Variants in PDE4D observed in about 807,000 individuals in gnomAD.
The protein encoded by PDE4D is 3',5'-cyclic-AMP phosphodiesterase 4D.
PDE4D carries 24 observed loss-of-function variants against 87.4 expected under a neutral mutation model. The observed-to-expected ratio is 0.27, with a 90% CI of 0.20 to 0.39. PDE4D has a LOEUF of 0.39. Ranked by LOEUF, PDE4D falls within the 10% of genes least tolerant of loss-of-function variation. The pLI, the probability that PDE4D is intolerant of heterozygous loss-of-function variation, is 1.00. For missense variants in PDE4D, 714 were observed against 1,041.0 expected, an observed-to-expected ratio of 0.69 and a Z score of 4.32; for synonymous variants, 384 against 383.2, an observed-to-expected ratio of 1.00 and a Z score of -0.02.
At chr5:60,048,250 T>G (rs1424235606) in intron 2 of PDE4D, among the ~76,000 whole-genome samples, 1 of 152,182 alleles carries the variant, frequency 6.6e-6, no homozygotes, top group Non-Finnish European at 1.5e-5. Flanking sequence ...ATTTTGAGCC[T>G]ATGTGTGTCT....
intron 2 of PDE4D, among the ~76,000 whole-genome samples, chr5:60,172,335 G>T (rs1338743410): frequency 2.0e-5 from 3 of 150,674 alleles, no homozygotes; most frequent in Admixed American, 6.6e-5. Context: ...TCAGACTTCT[G>T]TGGGCAATAC....
At chr5:59,669,291 T>A (rs1473436305) in intron 1 of PDE4D, among the ~76,000 whole-genome samples, 1 of 152,080 alleles carries the variant, frequency 6.6e-6, no homozygotes, top group Non-Finnish European at 1.5e-5. Context: ...TTTTGTATTT[T>A]TGGTAGATAC....
At chr5:59,564,678 G>A (rs1442282209) in intron 1 of PDE4D, among the ~76,000 whole-genome samples, 1 of 152,116 alleles carries the variant, frequency 6.6e-6, no homozygotes, top group Non-Finnish European at 1.5e-5. Flanking sequence ...ACACCTGTAA[G>A]GTTCCAAGTA....
chr5:60,519,864 A>C (rs915084241), intron 1 of PDE4D, among the ~76,000 whole-genome samples: 4 of 152,238 alleles, frequency 2.6e-5, no homozygotes. Flanking sequence ...ATCCTTTGTT[A>C]AGAGCTTTCA....
At chr5:60,449,776 G>A (rs1415663321) in intron 1 of PDE4D, among the ~76,000 whole-genome samples, 3 of 151,180 alleles carry the variant, frequency 2.0e-5, no homozygotes, top group African/African-American at 2.4e-5. Flanking sequence ...ATGATTTGTA[G>A]TCCTTTGGGT....
intron 1 of PDE4D, among the ~76,000 whole-genome samples, chr5:59,760,424 T>C (rs906113223): frequency 6.6e-6 from 1 of 152,200 alleles, no homozygotes; most frequent in Non-Finnish European, 1.5e-5. Context: ...AAAATACATA[T>C]GTGTATACAA....
At chr5:59,469,358 A>C (rs1167657628) in intron 1 of PDE4D, among the ~76,000 whole-genome samples, 2 of 152,186 alleles carry the variant, frequency 1.3e-5, no homozygotes, top group Admixed American at 1.3e-4. Flanking sequence ...AACAAAAAAC[A>C]AAAACTAACA....
chr5:59,555,770 G>C (rs1818802642), intron 1 of PDE4D, among the ~76,000 whole-genome samples: 1 of 152,136 alleles, frequency 6.6e-6, no homozygotes, highest in Non-Finnish European at 1.5e-5. Context: ...GGGATTCCAA[G>C]GTGGCTATGC....
intron 1 of PDE4D, among the ~76,000 whole-genome samples, chr5:60,318,751 T>A (rs928382343): frequency 6.6e-6 from 1 of 152,062 alleles, no homozygotes; most frequent in South Asian, 2.1e-4. Context: ...TGAAGCTTAG[T>A]TTGGCTGGAT....
chr5:60,455,473 T>C (rs1469208951), intron 1 of PDE4D, among the ~76,000 whole-genome samples: 1 of 152,044 alleles, frequency 6.6e-6, no homozygotes, highest in African/African-American at 2.4e-5. Context: ...CTAATGGAGA[T>C]AGGGAGAAAG....
intron 1 of PDE4D, among the ~76,000 whole-genome samples, chr5:59,481,963 C>G (rs1056191043): frequency 1.3e-5 from 2 of 152,002 alleles, no homozygotes; most frequent in Admixed American, 6.6e-5. Context: ...ATACCTTCCC[C>G]ACTGCAGTCT....
rs368861577 is a variant in PDE4D at position 60,230,267 on chromosome 5, A to C, written c.-89-44580T>G. 3.9e-5 allele frequency among the ~76,000 whole-genome samples: 6 copies of C among 152,260 alleles called. No homozygotes were observed. In the East Asian group the frequency reaches 1.2e-3, roughly 30 times the overall value. ...ATCTTGAGGGCTTTATTGATTTTCA[A>C]ATGAGTTTTTAATTATTTTGAAATA... On this transcript the variant is annotated intron_variant, in intron 1 of 16. Coordinates refer to the PDE4D transcript ENST00000502484.
chr5:59,039,563 C>G, intron 5 of PDE4D: 1 of 971,288 alleles, frequency 1.0e-6, no homozygotes, highest in South Asian at 4.8e-5. Flanking sequence ...AGCGCGGCTC[C>G]AACGCCGCAG....
intron 1 of PDE4D, among the ~76,000 whole-genome samples, chr5:59,497,283 CAG>C (rs56327955): frequency 0.18 from 26,710 of 151,980 alleles, 4,157 homozygotes; most frequent in African/African-American, 0.43. Context: ...TACAAAATGT[CAG>C]AGTGTTTTAC....
chr5:59,718,899 A>C (rs916654375), intron 1 of PDE4D, among the ~76,000 whole-genome samples: 1 of 152,022 alleles, frequency 6.6e-6, no homozygotes, highest in Non-Finnish European at 1.5e-5. Flanking sequence ...TGGGGGAATA[A>C]ATTTTTTTTG....
In PDE4D at chr5:60,485,784, A is replaced by T. The variant is rs796731261; in HGVS notation, c.-90+2158T>A. Among the ~76,000 whole-genome samples, 8 of 152,148 alleles carry T rather than the reference A, an allele frequency of 5.3e-5. No individual in the cohort carries two copies. The East Asian group carries it at 1.5e-3, about 29-fold the overall frequency. On this transcript the variant is annotated intron_variant, in intron 1 of 16. Coordinates refer to the PDE4D transcript ENST00000502484. ...TGGGCACCTGGCACCTCTAGACTCC[A>T]TTTCTTAAAGCTCTGTTCTTTCACA...
At chr5:59,107,479 G>C (rs1477594464) in intron 5 of PDE4D, among the ~76,000 whole-genome samples, 1 of 152,204 alleles carries the variant, frequency 6.6e-6, no homozygotes, top group African/African-American at 2.4e-5. Context: ...AAAGTGCTGG[G>C]ATTACAGGCA....
intron 1 of PDE4D, among the ~76,000 whole-genome samples, chr5:59,583,737 A>T (rs570836814): frequency 9.8e-5 from 15 of 152,334 alleles, no homozygotes; most frequent in African/African-American, 3.6e-4. Context: ...GGTGGATGAG[A>T]GTACAAGTAG....
chr5:60,405,926 C>A (rs1741487894), intron 1 of PDE4D, among the ~76,000 whole-genome samples: 2 of 152,138 alleles, frequency 1.3e-5, no homozygotes, highest in African/African-American at 4.8e-5. Context: ...TATCCTGCCC[C>A]TTCTTCCTGC....
Sources: gnomAD v4.1 joint callset for allele counts (sites outside exome capture counted in the v4.1 genomes callset) on GRCh38, gnomAD v4.1.1 for gene constraint, MANE v1.5 for transcripts, NCBI Gene and HGNC (gene_info 2026-07-23, HGNC 2026-07-21) for gene names.